The following MAGI1 variants were observed in gnomAD, a reference collection of about 807,000 sequenced individuals.
MAGI1 encodes the protein membrane associated guanylate kinase, WW and PDZ domain containing 1, also known as membrane-associated guanylate kinase, WW and PDZ domain-containing protein 1.
MAGI1 carries 58 observed loss-of-function variants against 139.9 expected under a neutral mutation model. The ratio of observed to expected loss-of-function variants is 0.41; its 90% CI spans 0.34 to 0.52. MAGI1 has a LOEUF of 0.52. MAGI1 is among the 20% of genes least tolerant of loss of function. The probability of loss-of-function intolerance (pLI) is 0.12; values close to 1 mark genes in which losing one functional copy is unlikely to be tolerated. For missense variants in MAGI1, 1,874 were observed against 1,901.6 expected (o/e 0.99, Z 0.27); for synonymous variants, 812 against 737.9 (o/e 1.10, Z -1.63).
chr3:66,036,308 G>A (rs549065136), intron 1 of MAGI1, among the ~76,000 whole-genome samples: 1 of 152,328 alleles, frequency 6.6e-6, no homozygotes, highest in East Asian at 1.9e-4. Flanking sequence ...GAAAGCCAGT[G>A]TGAGGAAGAC....
At chr3:65,620,575 T>A (rs767853602) in intron 2 of MAGI1, among the ~76,000 whole-genome samples, 1 of 152,314 alleles carries the variant, frequency 6.6e-6, no homozygotes, top group East Asian at 1.9e-4. Flanking sequence ...CCTACCTATG[T>A]GATTAGCATT....
chr3:65,516,900 TTG>T (rs2077924921), intron 2 of MAGI1, among the ~76,000 whole-genome samples: 1 of 149,960 alleles, frequency 6.7e-6, no homozygotes, highest in South Asian at 2.2e-4. Flanking sequence ...GCTAATTTTT[TTG>T]TATTTTTAGT....
Position 65,549,170 on chromosome 3 carries a change from C to T in MAGI1, c.431-55539G>A, listed in dbSNP as rs370963118. Among the ~76,000 whole-genome samples the T allele has an allele frequency of 1.4e-3, 208 of 152,166 alleles. 7 individuals carry two copies. In the South Asian group the frequency reaches 0.042, roughly 31 times the overall value. On this transcript the variant is annotated intron_variant, in intron 2 of 22. Coordinates refer to ENST00000402939, the MANE Select transcript of MAGI1 (RefSeq NM_001033057.2). Reference sequence around the variant, plus strand: ...GGAGCCTCCGGGCGCGGGAGGGACGCGACCGCCAGCCTGGGGAGGCGGGAA... The same window carrying T: ...GGAGCCTCCGGGCGCGGGAGGGACGTGACCGCCAGCCTGGGGAGGCGGGAA...
chr3:65,523,860 C>T (rs1312939274), intron 2 of MAGI1, among the ~76,000 whole-genome samples: 1 of 152,154 alleles, frequency 6.6e-6, no homozygotes, highest in Non-Finnish European at 1.5e-5. Flanking sequence ...AGCACAAATA[C>T]TTTCAGAGTA....
At chr3:65,968,662 T>C (rs958919426) in intron 1 of MAGI1, among the ~76,000 whole-genome samples, 14 of 151,868 alleles carry the variant, frequency 9.2e-5, no homozygotes, top group Admixed American at 1.3e-4. Flanking sequence ...TATACTTGTA[T>C]ACGTATAAAC....
intron 1 of MAGI1, among the ~76,000 whole-genome samples, chr3:65,689,123 C>T (rs2088334333): frequency 6.6e-6 from 1 of 152,116 alleles, no homozygotes; most frequent in African/African-American, 2.4e-5. Flanking sequence ...ACACATAGTC[C>T]CTCTGAAACC....
At position 65,963,680 on chromosome 3, in the gene MAGI1, A is replaced by G. The variant is rs867003093; in HGVS notation, c.313+74316T>C. 3.9e-5 allele frequency among the ~76,000 whole-genome samples: 6 copies of G among 152,220 alleles called. No individual in the cohort carries two copies. In the South Asian group the frequency reaches 8.3e-4, roughly 21 times the overall value. ...AGGATGGGCAGTTTGTAACTTTTCT[A>G]TAATAATTCTTATATGATTTTAAAA... On this transcript the variant is annotated intron_variant, in intron 1 of 22. Transcript: ENST00000402939.
intron 6 of MAGI1, 143 bp from the exon 7 acceptor site, chr3:65,448,200 C>T (rs886427201): frequency 7.7e-6 from 6 of 777,408 alleles, no homozygotes; most frequent in African/African-American, 3.4e-5. Context: ...TGGCTTATTT[C>T]ATTGGCTTGG....
intron 1 of MAGI1, among the ~76,000 whole-genome samples, chr3:65,852,370 T>A (rs1015101702): frequency 1.3e-5 from 2 of 152,120 alleles, no homozygotes; most frequent in Admixed American, 6.5e-5. Context: ...CTTGTTACTA[T>A]TGCTCTCACG....
chr3:65,797,821 C>G (rs2040245096), intron 1 of MAGI1, among the ~76,000 whole-genome samples: 1 of 152,148 alleles, frequency 6.6e-6, no homozygotes, highest in Admixed American at 6.5e-5. Context: ...AAAAATAACA[C>G]AGATTTCTAG....
intron 1 of MAGI1, among the ~76,000 whole-genome samples, chr3:65,628,600 A>T (rs1576530418): frequency 6.6e-6 from 1 of 152,102 alleles, no homozygotes; most frequent in Non-Finnish European, 1.5e-5. Context: ...GAAAAAAAGC[A>T]TAAATGATAG....
chr3:65,769,111 GCTTT>G (rs1224244154), intron 1 of MAGI1, among the ~76,000 whole-genome samples: 1 of 152,128 alleles, frequency 6.6e-6, no homozygotes, highest in Non-Finnish European at 1.5e-5. Context: ...CTCAATATTG[GCTTT>G]CTTACTGAAG....
rs750592552 is a variant in MAGI1 at position 65,356,345 on chromosome 3, G to A, written c.*33C>T. The A allele has an allele frequency of 1.3e-6, 2 of 1,519,270 alleles. No homozygotes were observed. Among genetic ancestry groups the A allele is most frequent in the African/African-American group, 2.8e-5 (2 of 71,412 alleles). 94.1% of individuals were successfully genotyped at this position (1,519,270 alleles called of 1,614,324 possible). ...TTGTGACTTTCCTCTTAGAACCTTT[G>A]ACACGGTAAAGGTTGGAATGTGACT... On this transcript the variant is annotated 3_prime_UTR_variant, in exon 23 of 23. Coordinates refer to ENST00000402939, the MANE Select transcript of MAGI1 (RefSeq NM_001033057.2).
intron 1 of MAGI1, among the ~76,000 whole-genome samples, chr3:65,995,665 C>G (rs979392504): frequency 1.3e-5 from 2 of 152,110 alleles, no homozygotes; most frequent in Non-Finnish European, 2.9e-5. Flanking sequence ...ATTCCTGAAG[C>G]AGCAAATTTA....
chr3:65,401,969 T>C, intron 12 of MAGI1: 2 of 870,062 alleles, frequency 2.3e-6, no homozygotes, highest in African/African-American at 3.6e-5. Flanking sequence ...TTCCTCTGCC[T>C]TTCGGAAGAG....
At chr3:65,601,871 G>A (rs2082500578) in intron 2 of MAGI1, among the ~76,000 whole-genome samples, 1 of 152,206 alleles carries the variant, frequency 6.6e-6, no homozygotes, top group South Asian at 2.1e-4. Context: ...TAAGGTCCTT[G>A]TATCCAGAAT....
intron 1 of MAGI1, among the ~76,000 whole-genome samples, chr3:65,684,868 ATTTTTTTTT>A (rs761948943): frequency 2.0e-5 from 2 of 98,176 alleles, no homozygotes; most frequent in African/African-American, 5.6e-5. Context: ...CACCTGGCTA[ATTTTTTTTT>A]TTTTTTTTTT....
At chr3:65,695,871 C>A (rs948384497) in intron 1 of MAGI1, among the ~76,000 whole-genome samples, 1 of 152,122 alleles carries the variant, frequency 6.6e-6, no homozygotes, top group Admixed American at 6.6e-5. Context: ...AGTGTAGCCA[C>A]CAATATTTGT....
intron 1 of MAGI1, among the ~76,000 whole-genome samples, chr3:65,802,573 T>C (rs1397500979): frequency 6.6e-6 from 1 of 152,230 alleles, no homozygotes; most frequent in Non-Finnish European, 1.5e-5. Context: ...CAGAAAGCAG[T>C]GGCTCTTGCA....
Sources: allele counts gnomAD v4.1 joint callset (sites outside exome capture counted in the v4.1 genomes callset), GRCh38; gene constraint gnomAD v4.1.1; transcripts MANE v1.5; gene names NCBI Gene and HGNC (gene_info 2026-07-23, HGNC 2026-07-21).